The following NFILZ variants were observed in gnomAD, a reference collection of about 807,000 sequenced individuals.
NFILZ encodes NFIL3 like protein.
At chr19:8,673,877 G>A (rs569337537) in intron 3 of NFILZ, among the ~76,000 whole-genome samples, 1 of 152,298 alleles carries the variant, frequency 6.6e-6, no homozygotes, top group East Asian at 1.9e-4. Flanking sequence ...GTCTTGCTCT[G>A]TCGCCCAGGC....
chr19:8,650,114 GA>G lies in NFILZ; in HGVS notation c.-164+14380del, dbSNP rs1338991478. Among the ~76,000 whole-genome samples the G allele has an allele frequency of 7.6e-3, 1,064 of 139,496 alleles. 17 individuals are homozygous for G. The highest frequency in any genetic ancestry group is 0.025 in the African/African-American group (971 of 38,288). 91.5% of individuals were successfully genotyped at this position (139,496 alleles called of 152,430 possible). On this transcript the variant is annotated intron_variant, in intron 3 of 5. Transcript: ENST00000691075. Reference sequence around the variant, plus strand: ...TGGCCAGCTGAGCAAGACTCCGTCTGAAAAAAAAAAAATTGGTTCCAAAAAA... The same window carrying G: ...TGGCCAGCTGAGCAAGACTCCGTCTGAAAAAAAAAAATTGGTTCCAAAAAA...
At chr19:8,674,674 G>A (rs1437463312) in intron 4 of NFILZ, among the ~76,000 whole-genome samples, 74 bp downstream of exon 4, 1 of 152,054 alleles carries the variant, frequency 6.6e-6, no homozygotes, top group Non-Finnish European at 1.5e-5. Flanking sequence ...GGGTTCCTAG[G>A]AACATACTTT....
rs2043126211 is a variant in NFILZ at position 8,678,162 on chromosome 19, CA to C, written c.*528del. 4.7e-5 allele frequency among the ~76,000 whole-genome samples: 1 copy of C among 21,278 alleles called. No homozygotes were observed. Among genetic ancestry groups the C allele is most frequent in the African/African-American group, 1.6e-4 (1 of 6,244 alleles). The allele number at this position is 21,278 out of a possible 152,430, so 14.0% of individuals were successfully genotyped here. A position where few individuals can be genotyped will look rare whatever the true frequency, so the allele number is the denominator to read the frequency against. ...TCATCCACTTGTCCGTCCATCCATC[CA>C]TCCATCCATCCATCCATCCATCCAT... On this transcript the variant is annotated 3_prime_UTR_variant, in exon 6 of 6. Transcript: ENST00000691075.
chr19:8,642,016 G>GT (rs2042921307), intron 3 of NFILZ, among the ~76,000 whole-genome samples: 1 of 151,846 alleles, frequency 6.6e-6, no homozygotes, highest in Non-Finnish European at 1.5e-5. Context: ...TACATTTTAT[G>GT]TTTTTTGTAG....
At position 8,656,499 on chromosome 19, in the gene NFILZ, C is replaced by CAGCCCACCTTCTCCCTGA. The variant is rs2043003789; in HGVS notation, c.-163-18038_-163-18037insCTGAAGCCCACCTTCTCC. ...TTCTCCCGCAGCCCACCTTCTCCCG[C>CAGCCCACCTTCTCCCTGA]AGCCCACCTTCTCCTGCAGCCCACC... On this transcript the variant is annotated intron_variant, in intron 3 of 5. Transcript: ENST00000691075. 1.3e-3 allele frequency among the ~76,000 whole-genome samples: 41 copies of CAGCCCACCTTCTCCCTGA among 32,774 alleles called. 3 individuals carry two copies. The highest frequency in any genetic ancestry group is 2.9e-3 in the Non-Finnish European group (38 of 12,884). The allele number at this position is 32,774 out of a possible 152,430, so 21.5% of individuals were successfully genotyped here. A position where few individuals can be genotyped will look rare whatever the true frequency, so the allele number is the denominator to read the frequency against.
At chr19:8,631,371 G>T (rs1160172908) in intron 1 of NFILZ, among the ~76,000 whole-genome samples, 2 of 152,144 alleles carry the variant, frequency 1.3e-5, no homozygotes, top group African/African-American at 2.4e-5. Flanking sequence ...GGCTGGAGGG[G>T]GTCAGCCCAG....
At chr19:8,637,930 A>AAAAAG (rs1568417303) in intron 3 of NFILZ, among the ~76,000 whole-genome samples, 8 of 149,424 alleles carry the variant, frequency 5.4e-5, no homozygotes, top group South Asian at 2.1e-4. Flanking sequence ...AAAAAAAAAA[A>AAAAAG]AAAAGAAAAG....
chr19:8,653,005 TTC>T (rs2042973743), intron 3 of NFILZ, among the ~76,000 whole-genome samples: 382 of 26,582 alleles, frequency 0.014, no homozygotes, highest in East Asian at 0.024. Context: ...CCTTCCTTCC[TTC>T]CTTCCTTTCT....
intron 3 of NFILZ, among the ~76,000 whole-genome samples, chr19:8,636,319 ACG>A (rs1460677595): frequency 6.6e-6 from 1 of 150,838 alleles, no homozygotes; most frequent in Admixed American, 6.6e-5. Flanking sequence ...ATGGTGGCAC[ACG>A]CCTGTAGTCC....
rs1319605807 is a variant in NFILZ at position 8,669,880 on chromosome 19, G to T, written c.-163-4671G>T. On this transcript the variant is annotated intron_variant, in intron 3 of 5. Coordinates refer to ENST00000691075, the MANE Select transcript of NFILZ (RefSeq NM_001378600.1). Reference sequence around the variant, plus strand: ...CATACAGTAGGTGCTCAATACACAAGAATTGTTTTCCCTGGAGGAGAGCAG... The same window carrying T: ...CATACAGTAGGTGCTCAATACACAATAATTGTTTTCCCTGGAGGAGAGCAG... Among the ~76,000 whole-genome samples, 4 of 152,200 alleles carry T rather than the reference G, an allele frequency of 2.6e-5. No individual in the cohort carries two copies. The East Asian group carries it at 5.8e-4, about 22-fold the overall frequency.
chr19:8,644,390 C>A (rs10419220), intron 3 of NFILZ, among the ~76,000 whole-genome samples: 1 of 152,054 alleles, frequency 6.6e-6, no homozygotes. Flanking sequence ...CATGAGCCAC[C>A]GTAGCTGGTA....
intron 3 of NFILZ, among the ~76,000 whole-genome samples, chr19:8,642,967 T>TTTTTTA (rs2042925253): frequency 1.3e-5 from 2 of 150,818 alleles, no homozygotes; most frequent in African/African-American, 2.4e-5. Context: ...TTTTTTTTTT[T>TTTTTTA]GAGACAGGGT....
At chr19:8,656,429 C>CAGCCCACCTTCTCCTCGA in intron 3 of NFILZ, among the ~76,000 whole-genome samples, 1 of 23,594 alleles carries the variant, frequency 4.2e-5, no homozygotes, top group African/African-American at 1.0e-4. Context: ...CCTCTTTCCG[C>CAGCCCACCTTCTCCTCGA]AGCCCACCTT....
chr19:8,655,254 G>T (rs531566699), intron 3 of NFILZ, among the ~76,000 whole-genome samples: 1 of 152,200 alleles, frequency 6.6e-6, no homozygotes, highest in African/African-American at 2.4e-5. Flanking sequence ...GAAGGACAGA[G>T]CCTCCTTCCC....
At chr19:8,650,332 T>C (rs949714969) in intron 3 of NFILZ, among the ~76,000 whole-genome samples, 2 of 151,300 alleles carry the variant, frequency 1.3e-5, no homozygotes, top group Non-Finnish European at 2.9e-5. Flanking sequence ...ATTGCATGAG[T>C]GAGTTAGCCC....
intron 3 of NFILZ, among the ~76,000 whole-genome samples, chr19:8,651,168 CT>C (rs1342313297): frequency 2.6e-5 from 4 of 151,220 alleles, no homozygotes; most frequent in Admixed American, 6.6e-5. Context: ...ATATAATAAG[CT>C]TTTTTTTTCT....
intron 3 of NFILZ, among the ~76,000 whole-genome samples, chr19:8,651,433 A>AT (rs1478330695): frequency 6.6e-6 from 1 of 152,190 alleles, no homozygotes; most frequent in African/African-American, 2.4e-5. Flanking sequence ...AAGTGCTGGG[A>AT]TTACCGGCGT....
chr19:8,673,723 G>A (rs540914808), intron 3 of NFILZ, among the ~76,000 whole-genome samples: 55 of 152,178 alleles, frequency 3.6e-4, no homozygotes, highest in African/African-American at 1.3e-3. Flanking sequence ...GAGTTCCTGG[G>A]CATGGGCACT....
At chr19:8,631,234 C>T (rs1463748576) in intron 1 of NFILZ, among the ~76,000 whole-genome samples, 1 of 152,122 alleles carries the variant, frequency 6.6e-6, no homozygotes, top group Non-Finnish European at 1.5e-5. Context: ...TCCTCCTGCT[C>T]CTCCCTCTCT....
Sources: allele counts gnomAD v4.1 joint callset (sites outside exome capture counted in the v4.1 genomes callset), GRCh38; gene constraint gnomAD v4.1.1; transcripts MANE v1.5; gene names NCBI Gene and HGNC (gene_info 2026-07-23, HGNC 2026-07-21).